CHRM3: variants seen among roughly 807,000 people sequenced by gnomAD.
CHRM3 encodes the protein cholinergic receptor muscarinic 3, also known as muscarinic acetylcholine receptor M3.
Under a neutral mutation model 41.8 loss-of-function variants are expected in CHRM3, and 11 were observed. That is an observed-to-expected ratio of 0.26 (90% confidence interval 0.17 to 0.44). The LOEUF (loss-of-function observed/expected upper bound fraction) is 0.44, where lower values mean the gene tolerates loss of function less well. CHRM3 is among the 20% of genes least tolerant of loss of function. The probability of loss-of-function intolerance (pLI) is 1.00; values close to 1 mark genes in which losing one functional copy is unlikely to be tolerated. For missense variants in CHRM3, 571 were observed against 745.4 expected (o/e 0.77, Z 2.72); for synonymous variants, 297 against 301.4 (o/e 0.99, Z 0.15).
At chr1:239,798,318 A>G (rs1669956086) in intron 5 of CHRM3, among the ~76,000 whole-genome samples, 1 of 152,134 alleles carries the variant, frequency 6.6e-6, no homozygotes, top group Non-Finnish European at 1.5e-5. Context: ...GTCAAAAGTT[A>G]TATGTGGGTT....
intron 3 of CHRM3, among the ~76,000 whole-genome samples, chr1:239,553,646 G>A (rs1660077406): frequency 6.6e-6 from 1 of 152,168 alleles, no homozygotes; most frequent in African/African-American, 2.4e-5. Context: ...CTCAACAAGT[G>A]TCTTTTCTAT....
chr1:239,605,367 A>G (rs1268470909), intron 3 of CHRM3, among the ~76,000 whole-genome samples: 1 of 152,198 alleles, frequency 6.6e-6, no homozygotes, highest in Non-Finnish European at 1.5e-5. Context: ...CATACTGTAC[A>G]GATTAGCCGA....
intron 5 of CHRM3, among the ~76,000 whole-genome samples, chr1:239,738,670 C>G (rs983879241): frequency 1.1e-4 from 16 of 152,192 alleles, no homozygotes; most frequent in Non-Finnish European, 2.4e-4. Flanking sequence ...AAAGCCCAGT[C>G]TATACAGACC....
chr1:239,640,731 A>C lies in CHRM3; in HGVS notation c.-250+8445A>C. Among the ~76,000 whole-genome samples, 3 of 150,334 alleles carry C rather than the reference A, an allele frequency of 2.0e-5. No individual in the cohort carries two copies. The South Asian group carries it at 6.5e-4, about 32-fold the overall frequency. ...CAAAAAACCAGCTCCTGGATTCATT[A>C]ATTTTTTGAAGGGCTTTTTGTGTCT... is the stretch of plus-strand genomic sequence containing the variant. On this transcript the variant is annotated intron_variant, in intron 4 of 6. Transcript: ENST00000676153.
intron 3 of CHRM3, among the ~76,000 whole-genome samples, chr1:239,606,789 A>G (rs1046878934): frequency 6.6e-5 from 10 of 152,174 alleles, no homozygotes; most frequent in Admixed American, 5.2e-4. Flanking sequence ...TTGTAACTTT[A>G]ATGACTTGAA....
intron 6 of CHRM3, among the ~76,000 whole-genome samples, chr1:239,870,713 C>G (rs1299965692): frequency 4.6e-5 from 7 of 152,170 alleles, no homozygotes; most frequent in Admixed American, 3.3e-4. Context: ...CTGAGGCTCT[C>G]GTTAGCCACC....
At chr1:239,578,308 A>G (rs926431754) in intron 3 of CHRM3, among the ~76,000 whole-genome samples, 2 of 152,176 alleles carry the variant, frequency 1.3e-5, no homozygotes, top group African/African-American at 4.8e-5. Flanking sequence ...TGTATTTTAT[A>G]CATTTCATAT....
intron 3 of CHRM3, among the ~76,000 whole-genome samples, chr1:239,589,985 C>G (rs1242925735): frequency 1.3e-5 from 2 of 152,000 alleles, no homozygotes. Flanking sequence ...GTTTTAGCAT[C>G]ATTAATTTTA....
At chr1:239,518,244 G>T (rs1024559539) in intron 2 of CHRM3, among the ~76,000 whole-genome samples, 1 of 152,190 alleles carries the variant, frequency 6.6e-6, no homozygotes, top group Admixed American at 6.5e-5. Flanking sequence ...AAAGTAATCA[G>T]CTCATTAAAT....
At chr1:239,794,493 A>C (rs1669609658) in intron 5 of CHRM3, among the ~76,000 whole-genome samples, 1 of 151,802 alleles carries the variant, frequency 6.6e-6, no homozygotes, top group African/African-American at 2.4e-5. Flanking sequence ...AGTAACATTC[A>C]AGATTTCAGC....
intron 3 of CHRM3, among the ~76,000 whole-genome samples, chr1:239,551,372 G>A (rs1659810007): frequency 6.6e-6 from 1 of 151,464 alleles, no homozygotes; most frequent in African/African-American, 2.4e-5. Flanking sequence ...ATGTTGGTCA[G>A]GCTGGTCTCG....
At chr1:239,717,236 C>G (rs1472746020) in intron 5 of CHRM3, among the ~76,000 whole-genome samples, 2 of 152,008 alleles carry the variant, frequency 1.3e-5, no homozygotes, top group Admixed American at 1.3e-4. Context: ...GAGGAAGTAG[C>G]CTTGAATAGT....
chr1:239,695,079 C>G (rs769238039), intron 5 of CHRM3, among the ~76,000 whole-genome samples: 1 of 152,174 alleles, frequency 6.6e-6, no homozygotes, highest in Non-Finnish European at 1.5e-5. Flanking sequence ...GGCGCCATCT[C>G]AGCTCGCTGC....
chr1:239,538,126 AAG>A (rs1269856275), intron 2 of CHRM3, among the ~76,000 whole-genome samples: 1 of 152,186 alleles, frequency 6.6e-6, no homozygotes, highest in Non-Finnish European at 1.5e-5. Context: ...AAAAAGAAGA[AAG>A]AGAAATGCAG....
chr1:239,578,655 A>AC (rs2148576349), intron 3 of CHRM3, among the ~76,000 whole-genome samples: 1 of 152,308 alleles, frequency 6.6e-6, no homozygotes, highest in South Asian at 2.1e-4. Context: ...GATTTAAAAA[A>AC]TTTAATCTTC....
chr1:239,559,469 C>T (rs996653546), intron 3 of CHRM3, among the ~76,000 whole-genome samples: 6 of 152,070 alleles, frequency 3.9e-5, no homozygotes, highest in Admixed American at 6.6e-5. Flanking sequence ...AATATTTAAT[C>T]GAATGCCAAC....
chr1:239,569,797 G>C (rs1661668195), intron 3 of CHRM3, among the ~76,000 whole-genome samples: 1 of 152,216 alleles, frequency 6.6e-6, no homozygotes, highest in East Asian at 1.9e-4. Context: ...CAGTGGGGGA[G>C]TCTGGTCATA....
intron 1 of CHRM3, among the ~76,000 whole-genome samples, chr1:239,418,112 G>A (rs1661650329): frequency 1.3e-5 from 2 of 152,154 alleles, no homozygotes; most frequent in Non-Finnish European, 2.9e-5. Context: ...GCAGTAGCAG[G>A]GCAGCGGGCC....
At chr1:239,691,988 A>C (rs12028626) in intron 5 of CHRM3, among the ~76,000 whole-genome samples, 1 of 152,312 alleles carries the variant, frequency 6.6e-6, no homozygotes, top group African/African-American at 2.4e-5. Context: ...AAAATGAATT[A>C]GCGATTTTAA....
Sources: allele counts gnomAD v4.1 joint callset (sites outside exome capture counted in the v4.1 genomes callset), GRCh38; gene constraint gnomAD v4.1.1; transcripts MANE v1.5; gene names NCBI Gene and HGNC (gene_info 2026-07-23, HGNC 2026-07-21).